PCSK5: variants seen among roughly 807,000 people sequenced by gnomAD.
PCSK5 encodes the protein prohormone convertase 5.
PCSK5 carries 129 observed loss-of-function variants against 233.2 expected under a neutral mutation model. That is an observed-to-expected ratio of 0.55 (90% CI 0.48 to 0.64). PCSK5 has a LOEUF of 0.64. Ranked by LOEUF, PCSK5 falls within the 30% of genes least tolerant of loss-of-function variation. PCSK5 has a pLI of 0.00. For synonymous variants in PCSK5, 825 were observed against 879.2 expected, an observed-to-expected ratio of 0.94 and a Z score of 1.09; for missense variants, 2,076 against 2,430.1, an observed-to-expected ratio of 0.85 and a Z score of 3.06.
chr9:76,154,931 T>C (rs1823825147), intron 10 of PCSK5, among the ~76,000 whole-genome samples: 1 of 152,222 alleles, frequency 6.6e-6, no homozygotes, highest in Non-Finnish European at 1.5e-5. Flanking sequence ...CTCATGATGT[T>C]ACGGAACTAA....
At chr9:76,052,810 G>A (rs1043133308) in intron 5 of PCSK5, among the ~76,000 whole-genome samples, 1 of 152,184 alleles carries the variant, frequency 6.6e-6, no homozygotes, top group Non-Finnish European at 1.5e-5. Flanking sequence ...CTATGAGCCT[G>A]TAAACTCAAA....
intron 2 of PCSK5, among the ~76,000 whole-genome samples, chr9:75,985,506 A>T (rs1826471337): frequency 1.4e-5 from 2 of 144,780 alleles, no homozygotes; most frequent in African/African-American, 2.5e-5. Context: ...GAAAGCCATT[A>T]AAAAAAAAAA....
intron 1 of PCSK5, among the ~76,000 whole-genome samples, chr9:75,928,609 A>G (rs1001407024): frequency 1.9e-4 from 20 of 103,124 alleles, no homozygotes; most frequent in African/African-American, 9.3e-4. Flanking sequence ...ATATATATAT[A>G]TATATATATA....
chr9:75,935,831 A>C (rs1434989571), intron 2 of PCSK5, among the ~76,000 whole-genome samples: 1 of 152,206 alleles, frequency 6.6e-6, no homozygotes, highest in African/African-American at 2.4e-5. Flanking sequence ...TGTTCTTCTC[A>C]GTACATCAGA....
At position 76,025,936 on chromosome 9, in the gene PCSK5, A is replaced by T. The variant is rs550692076; in HGVS notation, c.556-1025A>T. On this transcript the variant is annotated intron_variant, in intron 4 of 37. Transcript: ENST00000674117. ...TTAAAATACCAAAATAATTAATTTTAAAAATAGTAAAAAAAAAATAACTGG... is the reference window on the plus strand; with the variant it reads ...TTAAAATACCAAAATAATTAATTTTTAAAATAGTAAAAAAAAAATAACTGG... 2.0e-5 allele frequency among the ~76,000 whole-genome samples: 3 copies of T among 152,216 alleles called. No homozygotes were observed. The South Asian group carries it at 6.2e-4, about 32-fold the overall frequency.
At chr9:76,252,840 G>A (rs1826856365) in intron 24 of PCSK5, among the ~76,000 whole-genome samples, 1 of 152,170 alleles carries the variant, frequency 6.6e-6, no homozygotes, top group African/African-American at 2.4e-5. Context: ...TTGGCGATAT[G>A]GAAGACATGA....
chr9:76,081,806 A>C (rs1268006409), intron 7 of PCSK5, among the ~76,000 whole-genome samples: 1 of 151,940 alleles, frequency 6.6e-6, no homozygotes, highest in Non-Finnish European at 1.5e-5. Flanking sequence ...TAACCCCGAG[A>C]TTTCTTCCAT....
chr9:75,932,858 G>T (rs1212617362), intron 2 of PCSK5, among the ~76,000 whole-genome samples: 1 of 152,102 alleles, frequency 6.6e-6, no homozygotes, highest in Non-Finnish European at 1.5e-5. Context: ...ACAAAAGGAG[G>T]GGTTTCTTCC....
At chr9:76,009,476 A>C (rs2131449508) in intron 3 of PCSK5, among the ~76,000 whole-genome samples, 1 of 152,084 alleles carries the variant, frequency 6.6e-6, no homozygotes, top group East Asian at 1.9e-4. Flanking sequence ...AAAATACAAA[A>C]ATTAGCCAGG....
chr9:76,111,083 G>A (rs957075822), intron 9 of PCSK5, among the ~76,000 whole-genome samples: 5 of 152,002 alleles, frequency 3.3e-5, no homozygotes, highest in African/African-American at 1.2e-4. Flanking sequence ...CCCCAGACTG[G>A]GTGACAGAGC....
At chr9:76,139,586 G>A (rs1028323922) in intron 10 of PCSK5, among the ~76,000 whole-genome samples, 18 of 151,976 alleles carry the variant, frequency 1.2e-4, no homozygotes, top group African/African-American at 4.3e-4. Flanking sequence ...ACAGAGGGAA[G>A]TAAATACATT....
intron 24 of PCSK5, among the ~76,000 whole-genome samples, chr9:76,285,734 T>C (rs1359969499): frequency 1.3e-5 from 2 of 152,076 alleles, no homozygotes; most frequent in African/African-American, 2.4e-5. Context: ...AGACATTCTA[T>C]GATAAAAGGC....
intron 20 of PCSK5, among the ~76,000 whole-genome samples, chr9:76,190,800 C>T (rs1824338550): frequency 6.6e-6 from 1 of 152,142 alleles, no homozygotes. Context: ...TTGGTCTGTT[C>T]TTTGCACCAA....
chr9:76,106,773 G>A (rs7860650), intron 8 of PCSK5, among the ~76,000 whole-genome samples: 20,981 of 152,164 alleles, frequency 0.14, 1,624 homozygotes, highest in African/African-American at 0.21. Context: ...GAAATCTGTG[G>A]TTCCCCAAGG....
At position 76,247,307 on chromosome 9, in the gene PCSK5, TAATAGAGTGA is replaced by T. The variant is rs1487899099; in HGVS notation, c.3142+6633_3142+6642del. Among the ~76,000 whole-genome samples the T allele has an allele frequency of 7.2e-5, 11 of 152,174 alleles. No individual in the cohort carries two copies. The East Asian group carries it at 2.1e-3, about 29-fold the overall frequency. ...ACCAGAAGAGTGCAGTTGCAAGATT[TAATAGAGTGA>T]AATAGAGTGGAAACAGAGCTCCCAT... On this transcript the variant is annotated intron_variant, in intron 24 of 37. Coordinates refer to ENST00000674117, the MANE Select transcript of PCSK5 (RefSeq NM_001372043.1).
At chr9:75,929,081 G>A (rs1219445059) in intron 1 of PCSK5, among the ~76,000 whole-genome samples, 8 of 152,020 alleles carry the variant, frequency 5.3e-5, no homozygotes, top group East Asian at 1.9e-4. Flanking sequence ...GACTACAGGC[G>A]TGTACCACAT....
intron 20 of PCSK5, among the ~76,000 whole-genome samples, chr9:76,220,257 T>G (rs1825682223): frequency 6.6e-6 from 1 of 152,192 alleles, no homozygotes; most frequent in Admixed American, 6.5e-5. Context: ...CTGGGCATGG[T>G]GGCTCATGCC....
intron 2 of PCSK5, among the ~76,000 whole-genome samples, chr9:75,949,294 C>G (rs1824733886): frequency 6.6e-6 from 1 of 151,550 alleles, no homozygotes; most frequent in Non-Finnish European, 1.5e-5. Context: ...GGTGTAAGTA[C>G]TGAGGCATAA....
intron 1 of PCSK5, among the ~76,000 whole-genome samples, chr9:75,897,459 C>G (rs13283747): frequency 0.58 from 86,433 of 148,766 alleles, 27,006 homozygotes; most frequent in African/African-American, 0.8. Flanking sequence ...GACATATACT[C>G]TATGGAGGTT....
Sources: gnomAD v4.1 joint callset for allele counts (sites outside exome capture counted in the v4.1 genomes callset) on GRCh38, gnomAD v4.1.1 for gene constraint, MANE v1.5 for transcripts, NCBI Gene and HGNC (gene_info 2026-07-23, HGNC 2026-07-21) for gene names.